Variants in UNC5C observed in about 807,000 individuals in gnomAD.
The protein encoded by UNC5C is netrin receptor UNC5C.
In UNC5C, 47 loss-of-function variants were observed where a neutral mutation model predicts 99.8. The ratio of observed to expected loss-of-function variants is 0.47; its 90% CI spans 0.37 to 0.60. The LOEUF is 0.60. Ranked by LOEUF, UNC5C falls within the 20% of genes least tolerant of loss-of-function variation. The pLI is 0.00. For synonymous variants in UNC5C, 487 were observed against 452.2 expected (o/e 1.08, Z -0.98); for missense variants, 1,062 against 1,165.9 (o/e 0.91, Z 1.30).
intron 2 of UNC5C, among the ~76,000 whole-genome samples, chr4:95,321,049 T>G (rs898171629): frequency 2.0e-5 from 3 of 152,224 alleles, no homozygotes; most frequent in Non-Finnish European, 4.4e-5. Flanking sequence ...TTTCTCACCT[T>G]TACTTTGCAA....
intron 1 of UNC5C, among the ~76,000 whole-genome samples, chr4:95,491,648 A>G (rs1488940373): frequency 6.6e-6 from 1 of 151,674 alleles, no homozygotes; most frequent in East Asian, 1.9e-4. Flanking sequence ...AGATAGTTCC[A>G]GAAATCAGAT....
At chr4:95,436,375 A>T (rs1746792590) in intron 1 of UNC5C, among the ~76,000 whole-genome samples, 1 of 152,164 alleles carries the variant, frequency 6.6e-6, no homozygotes, top group Admixed American at 6.5e-5. Context: ...GCTAGAAAAG[A>T]TTCCTCCATA....
intron 1 of UNC5C, among the ~76,000 whole-genome samples, chr4:95,346,404 G>T (rs1162234566): frequency 1.3e-5 from 2 of 151,964 alleles, no homozygotes; most frequent in Non-Finnish European, 2.9e-5. Flanking sequence ...AAATGAAGGA[G>T]CAGGGAATAC....
At position 95,395,353 on chromosome 4, in the gene UNC5C, G is replaced by T. The variant is rs547384210; in HGVS notation, c.125-59722C>A. Among the ~76,000 whole-genome samples, 4 of 152,198 alleles carry T rather than the reference G, an allele frequency of 2.6e-5. No individual in the cohort carries two copies. The South Asian group carries it at 6.2e-4, about 24-fold the overall frequency. ...ATAAAGCTATTTTCCTTTTGCACAG[G>T]TTTTATCAAAGCATTATTAACTTTA... On this transcript the variant is annotated intron_variant, in intron 1 of 15. Coordinates refer to ENST00000453304, the MANE Select transcript of UNC5C (RefSeq NM_003728.4).
chr4:95,324,959 C>T (rs909927009), intron 2 of UNC5C, among the ~76,000 whole-genome samples: 8 of 152,148 alleles, frequency 5.3e-5, no homozygotes, highest in Non-Finnish European at 1.0e-4. Flanking sequence ...TTCTCCAAAA[C>T]GGGAATATAA....
At position 95,169,071 on chromosome 4, in the gene UNC5C, A is replaced by G. The variant is rs190940291; in HGVS notation, c.*163T>C. 6 of 773,570 alleles carry G rather than the reference A, an allele frequency of 7.8e-6. No individual in the cohort carries two copies. Among genetic ancestry groups the G allele is most frequent in the African/African-American group, 1.7e-5 (1 of 57,854 alleles). 47.9% of individuals were successfully genotyped at this position (773,570 alleles called of 1,614,324 possible). On this transcript the variant is annotated 3_prime_UTR_variant, in exon 16 of 16. Coordinates refer to ENST00000453304, the MANE Select transcript of UNC5C (RefSeq NM_003728.4). ...GTGATGATGTCCGAGTAAAGTGGGC[A>G]TGTACATGGGCAGTTGTATCTGTTT... is the stretch of plus-strand genomic sequence containing the variant.
At chr4:95,454,857 G>A (rs946461988) in intron 1 of UNC5C, among the ~76,000 whole-genome samples, 1 of 151,938 alleles carries the variant, frequency 6.6e-6, no homozygotes, top group Non-Finnish European at 1.5e-5. Context: ...GATCATATCA[G>A]TATCCAAAGA....
intron 1 of UNC5C, among the ~76,000 whole-genome samples, chr4:95,455,157 G>A (rs905619216): frequency 6.6e-6 from 1 of 152,052 alleles, no homozygotes; most frequent in Non-Finnish European, 1.5e-5. Flanking sequence ...TCATCCATGA[G>A]ATCATATTGA....
chr4:95,532,022 C>T (rs1231596139), intron 1 of UNC5C, among the ~76,000 whole-genome samples: 1 of 152,192 alleles, frequency 6.6e-6, no homozygotes, highest in African/African-American at 2.4e-5. Flanking sequence ...CTCTTTAATT[C>T]CCAATTCTGT....
rs1193775931 is a variant in UNC5C at position 95,242,495 on chromosome 4, C to T, written c.1042G>A (p.Gly348Arg). The change falls in exon 7 of 16, where the codon GGA (glycine) becomes AGA (arginine). Residue 348 changes from glycine (G) to arginine (R), a missense_variant. By Grantham distance (125) the Gly-to-Arg change is moderately radical. Coordinates refer to ENST00000453304, the MANE Select transcript of UNC5C (RefSeq NM_003728.4). ...RECTAPAPKNGGKDCDGLVLQ... is the reference protein window; with the variant it reads ...RECTAPAPKNRGKDCDGLVLQ... ...ACGAGGCCGTCGCAGTCCTTGCCTCCATTCTTGGGGGCTGGCGCCGTGCAC... is the reference window on the plus strand; with the variant it reads ...ACGAGGCCGTCGCAGTCCTTGCCTCTATTCTTGGGGGCTGGCGCCGTGCAC... The T allele has an allele frequency of 3.1e-6, 5 of 1,613,934 alleles. No individual in the cohort carries two copies. Among genetic ancestry groups the T allele is most frequent in the South Asian group, 2.2e-5 (2 of 91,008 alleles).
chr4:95,211,012 A>G (rs1318095415), intron 10 of UNC5C, among the ~76,000 whole-genome samples: 1 of 152,196 alleles, frequency 6.6e-6, no homozygotes, highest in Non-Finnish European at 1.5e-5. Context: ...TTTCAAACAC[A>G]AATCATTTAA....
intron 1 of UNC5C, among the ~76,000 whole-genome samples, chr4:95,378,515 A>G (rs1333903747): frequency 6.6e-6 from 1 of 152,212 alleles, no homozygotes; most frequent in Non-Finnish European, 1.5e-5. Flanking sequence ...AATTCTAATT[A>G]GTAATAGCCT....
At chr4:95,207,052 G>A (rs1029423093) in intron 10 of UNC5C, among the ~76,000 whole-genome samples, 1 of 151,918 alleles carries the variant, frequency 6.6e-6, no homozygotes, top group Non-Finnish European at 1.5e-5. Flanking sequence ...CCTTCCCTCC[G>A]ACACTGGTCT....
intron 4 of UNC5C, among the ~76,000 whole-genome samples, chr4:95,271,861 G>A (rs1468546861): frequency 6.6e-6 from 1 of 152,130 alleles, no homozygotes; most frequent in African/African-American, 2.4e-5. Flanking sequence ...CCTCTTTCCT[G>A]ACTGAATGTC....
chr4:95,423,447 C>T (rs1024117833), intron 1 of UNC5C, among the ~76,000 whole-genome samples: 3 of 152,090 alleles, frequency 2.0e-5, no homozygotes, highest in Non-Finnish European at 4.4e-5. Flanking sequence ...CATGGAATTA[C>T]GAGGTCATGG....
chr4:95,449,596 CAT>C (rs983511497), intron 1 of UNC5C, among the ~76,000 whole-genome samples: 1 of 152,064 alleles, frequency 6.6e-6, no homozygotes, highest in African/African-American at 2.4e-5. Context: ...ATGAGGAAAA[CAT>C]AAAGACATCT....
chr4:95,382,201 T>C (rs1399676680), intron 1 of UNC5C, among the ~76,000 whole-genome samples: 1 of 152,002 alleles, frequency 6.6e-6, no homozygotes, highest in African/African-American at 2.4e-5. Context: ...GGCCAGGTGG[T>C]GCAGCTCACA....
chr4:95,193,594 A>T (rs553878684), intron 12 of UNC5C, among the ~76,000 whole-genome samples: 15 of 152,174 alleles, frequency 9.9e-5, no homozygotes, highest in Non-Finnish European at 2.2e-4. Flanking sequence ...TCTGTTCATT[A>T]TCATGTGTCG....
At chr4:95,408,110 T>C (rs895955766) in intron 1 of UNC5C, among the ~76,000 whole-genome samples, 10 of 152,208 alleles carry the variant, frequency 6.6e-5, no homozygotes, top group African/African-American at 2.2e-4. Context: ...TGTTAATGTA[T>C]TGTTAAATAC....
Sources: gnomAD v4.1 joint callset for allele counts (sites outside exome capture counted in the v4.1 genomes callset) on GRCh38, gnomAD v4.1.1 for gene constraint, MANE v1.5 for transcripts, NCBI Gene and HGNC (gene_info 2026-07-23, HGNC 2026-07-21) for gene names.